Variants in GATB observed in about 807,000 individuals in gnomAD.
GATB encodes the protein glutamyl-tRNA amidotransferase subunit B.
In GATB, 39 loss-of-function variants were observed where a neutral mutation model predicts 62.3. The ratio of observed to expected loss-of-function variants is 0.63; its 90% CI spans 0.48 to 0.82. GATB has a LOEUF of 0.82. Ranked by LOEUF, GATB falls within the 40% of genes least tolerant of loss-of-function variation. The probability of loss-of-function intolerance (pLI) is 0.00; values close to 1 mark genes in which losing one functional copy is unlikely to be tolerated. For missense variants in GATB, 670 were observed against 684.0 expected (o/e 0.98, Z 0.23); for synonymous variants, 276 against 258.9 (o/e 1.07, Z -0.63).
chr4:151,718,268 A>G (rs754534325), intron 3 of GATB, among the ~76,000 whole-genome samples: 3 of 152,170 alleles, frequency 2.0e-5, no homozygotes, highest in Non-Finnish European at 4.4e-5. Context: ...CTCAATTTGT[A>G]AAACTAAGCT....
In GATB at chr4:151,730,427, G is replaced by A. The variant is rs1487801890; in HGVS notation, c.328-10889C>T. Among the ~76,000 whole-genome samples, 1 of 152,190 alleles carries A rather than the reference G, an allele frequency of 6.6e-6. No individual in the cohort carries two copies. Among genetic ancestry groups the A allele is most frequent in the Non-Finnish European group, 1.5e-5 (1 of 68,042 alleles). Reference sequence around the variant, plus strand: ...GGTCCCTCTCCATACTACAGCTAATGCTCTCTGGAAAGCACCACCTCCTGG... The same window carrying A: ...GGTCCCTCTCCATACTACAGCTAATACTCTCTGGAAAGCACCACCTCCTGG... On this transcript the variant is annotated intron_variant, in intron 2 of 12. Transcript: ENST00000263985. This position sits in a 1 kb window ranked among gnomAD's most constrained non-coding sequence, Gnocchi z 4.1.
intron 2 of GATB, among the ~76,000 whole-genome samples, chr4:151,741,283 GTAAC>G (rs1739480022): frequency 6.6e-6 from 1 of 152,174 alleles, no homozygotes; most frequent in Non-Finnish European, 1.5e-5. Context: ...TGTACTGAGG[GTAAC>G]TGAAACTACA....
At chr4:151,754,155 G>A (rs1236261068) in intron 2 of GATB, among the ~76,000 whole-genome samples, 1 of 152,112 alleles carries the variant, frequency 6.6e-6, no homozygotes, top group Non-Finnish European at 1.5e-5. Context: ...TTGCAAATGG[G>A]ATCCACACCC....
intron 11 of GATB, chr4:151,678,041 T>A (rs1203063953): frequency 2.0e-5 from 3 of 152,172 alleles, no homozygotes; most frequent in Non-Finnish European, 4.4e-5. Flanking sequence ...TATATTTTTT[T>A]ATGATCAACA....
intron 4 of GATB, 104 bp downstream of exon 4, chr4:151,716,772 C>T: frequency 9.5e-7 from 1 of 1,050,886 alleles, no homozygotes; most frequent in Non-Finnish European, 1.4e-6. Context: ...GCTCCTGTGA[C>T]TGCTTTCTCA....
At position 151,757,848 on chromosome 4, in the gene GATB, C is replaced by G. The variant is rs182694356; in HGVS notation, c.327+924G>C. Among the ~76,000 whole-genome samples, 237 of 152,258 alleles carry G rather than the reference C, an allele frequency of 1.6e-3. 2 individuals carry two copies. Among genetic ancestry groups the G allele is most frequent in the Admixed American group, 4.0e-3 (61 of 15,300 alleles). Reference sequence around the variant, plus strand: ...ACCCATGACAATGTCTGCCTCTCCCCACCTTTGTCACCACCATGGATACAC... The same window carrying G: ...ACCCATGACAATGTCTGCCTCTCCCGACCTTTGTCACCACCATGGATACAC... On this transcript the variant is annotated intron_variant, in intron 2 of 12. Coordinates refer to ENST00000263985, the MANE Select transcript of GATB (RefSeq NM_004564.3).
At chr4:151,705,097 T>C in intron 7 of GATB, 88 bp downstream of exon 7, 1 of 859,648 alleles carries the variant, frequency 1.2e-6, no homozygotes, top group East Asian at 2.4e-5. Flanking sequence ...CGTGCCTCCT[T>C]CAAGGTCACA....
At chr4:151,728,596 CT>C (rs1739183813) in intron 2 of GATB, among the ~76,000 whole-genome samples, 1 of 152,160 alleles carries the variant, frequency 6.6e-6, no homozygotes, top group Admixed American at 6.5e-5. Context: ...CATACTGAAA[CT>C]GTCAAGTCTT....
At chr4:151,673,057 C>A in intron 11 of GATB, 161 bp from the exon 12 acceptor site, 1 of 831,888 alleles carries the variant, frequency 1.2e-6, no homozygotes, top group Non-Finnish European at 1.8e-6. Flanking sequence ...ACCTGGCTGC[C>A]CTGCCAGAGC....
At chr4:151,703,996 C>CA in intron 7 of GATB, 101 bp from the exon 8 acceptor site, 1 of 736,556 alleles carries the variant, frequency 1.4e-6, no homozygotes, top group Middle Eastern at 2.4e-4. Flanking sequence ...CAGGCAAAAT[C>CA]AAACTCTGTG....
intron 3 of GATB, among the ~76,000 whole-genome samples, chr4:151,718,710 T>A (rs1738964202): frequency 6.6e-6 from 1 of 152,222 alleles, no homozygotes; most frequent in Non-Finnish European, 1.5e-5. Flanking sequence ...TCATCACTGT[T>A]GTTTTTCTGA....
intron 9 of GATB, among the ~76,000 whole-genome samples, chr4:151,697,951 G>A (rs376383816): frequency 0.016 from 470 of 28,504 alleles, 43 homozygotes; most frequent in African/African-American, 0.073. Flanking sequence ...GTGTGTGTGT[G>A]TGTATATATA....
chr4:151,745,590 A>G, intron 2 of GATB, among the ~76,000 whole-genome samples: 1 of 152,258 alleles, frequency 6.6e-6, no homozygotes, highest in South Asian at 2.1e-4. Context: ...GTGCATACAT[A>G]TGTTCCAGAA....
chr4:151,735,603 A>G (rs1739355499), intron 2 of GATB, among the ~76,000 whole-genome samples: 1 of 151,730 alleles, frequency 6.6e-6, no homozygotes, highest in African/African-American at 2.4e-5. Flanking sequence ...ATCTACCCAG[A>G]GGTAAAGAAG....
chr4:151,719,294 C>A, intron 3 of GATB, 131 bp downstream of exon 3: 2 of 649,330 alleles, frequency 3.1e-6, no homozygotes, highest in East Asian at 3.1e-5. Context: ...GGCCGAACTT[C>A]CTGCTGGGAT....
rs150933685 is a variant in GATB, at chr4:151,701,497, C to T, written c.1029G>A (p.Leu343=). 364 of 1,569,198 alleles carry T rather than the reference C, an allele frequency of 2.3e-4. 10 individuals are homozygous for T. In the South Asian group the frequency reaches 4.1e-3, roughly 18 times the overall value. The change falls in exon 9 of 13, where the codon CTG becomes CTA. Residue 343 remains leucine, a synonymous_variant. Transcript: ENST00000263985. ...TGGCGTCGTAGAGCACCAGGGGAGGCAGGTTGGGTTCTGGCATGAACCTGG... is the reference window on the plus strand; with the variant it reads ...TGGCGTCGTAGAGCACCAGGGGAGGTAGGTTGGGTTCTGGCATGAACCTGG... ...QDYRFMPEPN[L]PPLVLYDATS...
chr4:151,679,959 CG>C, intron 10 of GATB, 68 bp from the exon 11 acceptor site: 2 of 1,404,216 alleles, frequency 1.4e-6, no homozygotes, highest in Non-Finnish European at 2.0e-6. Context: ...AATGGCTGTT[CG>C]GAATCAGAAC....
rs1252889349 is a variant in GATB, at chr4:151,701,528, C to G, written c.1008-10G>C. ...GGGTTCTGGCATGAACCTGGGCAGA[C>G]AGAGGAGACGGGACCTGAATCTGGA... On this transcript the variant is annotated splice_polypyrimidine_tract_variant and intron_variant, in intron 8 of 12. Transcript: ENST00000263985. 20 of 1,485,398 alleles carry G rather than the reference C, an allele frequency of 1.3e-5. No individual in the cohort carries two copies. Among genetic ancestry groups the G allele is most frequent in the Non-Finnish European group, 1.8e-5 (20 of 1,109,578 alleles). 92.0% of individuals were successfully genotyped at this position (1,485,398 alleles called of 1,614,324 possible).
intron 12 of GATB, among the ~76,000 whole-genome samples, 192 bp from the exon 13 acceptor site, chr4:151,671,494 A>AT (rs1273126300): frequency 6.6e-6 from 1 of 151,954 alleles, no homozygotes; most frequent in Admixed American, 6.6e-5. Context: ...GTCAAAGGAG[A>AT]TTTTTGCTAC....
Sources: gnomAD v4.1 joint callset for allele counts (sites outside exome capture counted in the v4.1 genomes callset) on GRCh38, gnomAD v4.1.1 for gene constraint, Gnocchi (gnomAD v3.1) non-coding constraint, MANE v1.5 for transcripts, NCBI Gene and HGNC (gene_info 2026-07-23, HGNC 2026-07-21) for gene names.